The following ANXA4 variants were observed in gnomAD, a reference collection of about 807,000 sequenced individuals.
ANXA4 encodes the protein annexin A4.
ANXA4 carries 39 observed loss-of-function variants against 49.8 expected under a neutral mutation model. That is an observed-to-expected ratio of 0.78 (90% CI 0.61 to 1.02). The LOEUF (loss-of-function observed/expected upper bound fraction) is 1.02, where lower values mean the gene tolerates loss of function less well. Ranked by LOEUF, ANXA4 falls within the 50% of genes least tolerant of loss-of-function variation. ANXA4 has a pLI of 0.00. For synonymous variants in ANXA4, 134 were observed against 152.5 expected, an observed-to-expected ratio of 0.88 and a Z score of 0.89; for missense variants, 360 against 410.1, an observed-to-expected ratio of 0.88 and a Z score of 1.05.
chr2:69,726,749 G>A (rs1669972486), intron 3 of ANXA4, among the ~76,000 whole-genome samples: 1 of 152,176 alleles, frequency 6.6e-6, no homozygotes, highest in Non-Finnish European at 1.5e-5. Context: ...AAAATAAGAA[G>A]TACTGTTGTG....
chr2:69,649,486 G>T, intron 1 of ANXA4, among the ~76,000 whole-genome samples: 1 of 149,168 alleles, frequency 6.7e-6, no homozygotes, highest in African/African-American at 2.5e-5. Flanking sequence ...TATTCTTTTA[G>T]TAGTTGCTTA....
chr2:69,721,656 G>A (rs1470845390), intron 3 of ANXA4, among the ~76,000 whole-genome samples: 1 of 151,892 alleles, frequency 6.6e-6, no homozygotes, highest in Non-Finnish European at 1.5e-5. Flanking sequence ...CTGTGATCAT[G>A]CCACTGCATT....
intron 1 of ANXA4, among the ~76,000 whole-genome samples, chr2:69,753,870 CTG>C (rs1670947924): frequency 6.6e-6 from 1 of 152,204 alleles, no homozygotes; most frequent in Non-Finnish European, 1.5e-5. Context: ...GCAAAAAAGT[CTG>C]TGCATTGCAA....
At chr2:69,662,573 G>A (rs182313698) in intron 2 of ANXA4, among the ~76,000 whole-genome samples, 2 of 152,256 alleles carry the variant, frequency 1.3e-5, no homozygotes, top group African/African-American at 4.8e-5. Context: ...GAGCTGCTTG[G>A]TATTCTTCCT....
At chr2:69,806,543 G>GGGTA in intron 5 of ANXA4, 45 bp downstream of exon 5, 1 of 1,481,852 alleles carries the variant, frequency 6.7e-7, no homozygotes, top group Admixed American at 1.7e-5. Context: ...TGGTGCAAAC[G>GGGTA]CTGATGTGCT....
chr2:69,757,238 T>TTATATATATA (rs869068494), intron 1 of ANXA4, among the ~76,000 whole-genome samples: 4 of 59,060 alleles, frequency 6.8e-5, no homozygotes, highest in African/African-American at 2.5e-4. Context: ...CATTTTTGTT[T>TTATATATATA]TATATATATA....
chr2:69,681,960 C>G (rs13429792), intron 2 of ANXA4, among the ~76,000 whole-genome samples: 6 of 152,180 alleles, frequency 3.9e-5, no homozygotes, highest in African/African-American at 1.4e-4. Flanking sequence ...CTTTAGCATC[C>G]TAAGTGGCTG....
At chr2:69,825,367 C>A in intron 12 of ANXA4, 89 bp from the exon 13 acceptor site, 1 of 1,068,440 alleles carries the variant, frequency 9.4e-7, no homozygotes, top group Non-Finnish European at 1.4e-6. Context: ...AAAAATCCAG[C>A]CAAGCTTGAA....
At chr2:69,733,855 G>A (rs1362545588) in intron 3 of ANXA4, among the ~76,000 whole-genome samples, 2 of 151,730 alleles carry the variant, frequency 1.3e-5, no homozygotes, top group Admixed American at 6.6e-5. Flanking sequence ...TTATGTTCCC[G>A]AATTTTTTTT....
intron 3 of ANXA4, 48 bp downstream of exon 3, chr2:69,788,189 C>A: frequency 6.6e-7 from 1 of 1,513,080 alleles, no homozygotes; most frequent in Non-Finnish European, 9.2e-7. Context: ...TTGCACATCA[C>A]AGGGTCACAC....
chr2:69,671,025 C>CA (rs762968256), intron 2 of ANXA4, among the ~76,000 whole-genome samples: 1,688 of 31,908 alleles, frequency 0.053, 91 homozygotes, highest in African/African-American at 0.13. Context: ...GACTCCATCT[C>CA]AAAAAAAAAA....
At chr2:69,673,822 G>A (rs1677292349) in intron 2 of ANXA4, among the ~76,000 whole-genome samples, 1 of 152,052 alleles carries the variant, frequency 6.6e-6, no homozygotes, top group Non-Finnish European at 1.5e-5. Flanking sequence ...CTAGCCCAGT[G>A]CCAAACAGGA....
intron 2 of ANXA4, 59 bp downstream of exon 2, chr2:69,781,633 G>A: frequency 6.3e-7 from 1 of 1,596,200 alleles, no homozygotes; most frequent in Non-Finnish European, 8.6e-7. Flanking sequence ...TACAGAATGT[G>A]GGCTCAGCAA....
chr2:69,718,847 CAT>C (rs1278514098), intron 2 of ANXA4, among the ~76,000 whole-genome samples: 1 of 152,008 alleles, frequency 6.6e-6, no homozygotes, highest in Non-Finnish European at 1.5e-5. Flanking sequence ...CATGCACACA[CAT>C]ACATGCATAC....
chr2:69,673,855 TG>T (rs1339029326), intron 2 of ANXA4, among the ~76,000 whole-genome samples: 2 of 151,606 alleles, frequency 1.3e-5, no homozygotes, highest in Non-Finnish European at 2.9e-5. Flanking sequence ...AGAATCCCCC[TG>T]GGATTCTGCC....
intron 6 of ANXA4, 78 bp from the exon 7 acceptor site, chr2:69,810,516 G>GACAGATTGCTCTGTC (rs1446438960): frequency 8.2e-7 from 1 of 1,216,252 alleles, no homozygotes; most frequent in African/African-American, 1.5e-5. Context: ...GTCTTGAGGG[G>GACAGATTGCTCTGTC]ACAGATTGCT....
At chr2:69,652,871 A>G (rs1250116190) in intron 1 of ANXA4, 1 of 152,202 alleles carries the variant, frequency 6.6e-6, no homozygotes, top group Non-Finnish European at 1.5e-5. Flanking sequence ...ACAAAAAGGA[A>G]AGAATTTAGC....
intron 1 of ANXA4, among the ~76,000 whole-genome samples, chr2:69,760,232 G>GA (rs911805757): frequency 1.3e-5 from 2 of 152,134 alleles, no homozygotes; most frequent in Middle Eastern, 3.4e-3. Flanking sequence ...CCATTTTTAT[G>GA]AAAAAACAAT....
At position 69,810,632 on chromosome 2, in the gene ANXA4, A is replaced by G; in HGVS notation, c.436A>G (p.Thr146Ala). 1.2e-6 allele frequency: 2 copies of G among 1,614,138 alleles called. No individual in the cohort carries two copies. Among genetic ancestry groups the G allele is most frequent in the South Asian group, 2.2e-5 (2 of 91,078 alleles). The change falls in exon 7 of 13, where the codon ACA (threonine) becomes GCA (alanine). Residue 146 changes from threonine (T) to alanine (A), a missense_variant. Physicochemically the swap from Thr to Ala is moderately conservative, Grantham distance 58 (BLOSUM62 0). Transcript: ENST00000394295. ...RSLEDDIRSDTSFMFQRVLVS... is the reference protein window; with the variant it reads ...RSLEDDIRSDASFMFQRVLVS... The stretch of plus-strand genomic sequence containing the variant: ...CCTTGAAGATGACATTCGCTCTGAC[A>G]CATCGTTCATGTTCCAGCGAGTGCT...
Sources: gnomAD v4.1 joint callset for allele counts (sites outside exome capture counted in the v4.1 genomes callset) on GRCh38, gnomAD v4.1.1 for gene constraint, MANE v1.5 for transcripts, NCBI Gene and HGNC (gene_info 2026-07-23, HGNC 2026-07-21) for gene names.